ST7: variants seen among roughly 807,000 people sequenced by gnomAD.
ST7 encodes the protein suppressor of tumorigenicity 7 protein.
In ST7, 28 loss-of-function variants were observed where a neutral mutation model predicts 78.7. The observed-to-expected ratio is 0.36, with a 90% confidence interval of 0.26 to 0.49. The LOEUF (loss-of-function observed/expected upper bound fraction) is 0.49. Ranked by LOEUF, ST7 falls within the 20% of genes least tolerant of loss-of-function variation. The pLI, the probability that ST7 is intolerant of heterozygous loss-of-function variation, is 0.99. For missense variants in ST7, 418 were observed against 696.0 expected (o/e 0.60, Z 4.49); for synonymous variants, 247 against 249.6 (o/e 0.99, Z 0.10).
intron 9 of ST7, among the ~76,000 whole-genome samples, chr7:117,167,068 TTTG>T (rs1239848083): frequency 2.8e-5 from 4 of 144,258 alleles, no homozygotes; most frequent in African/African-American, 1.1e-4. Context: ...TTTTTTTTAC[TTTG>T]TTTTTTTTAA....
intron 1 of ST7, among the ~76,000 whole-genome samples, chr7:117,017,728 TC>T (rs1795684032): frequency 6.6e-6 from 1 of 152,176 alleles, no homozygotes; most frequent in African/African-American, 2.4e-5. Flanking sequence ...AACTTTGTGT[TC>T]CTTCTCTGAG....
In ST7 at chr7:117,219,544, G is replaced by A. The variant is rs1350447711; in HGVS notation, c.1498+368G>A. Reference sequence around the variant, plus strand: ...ACAGATGTGGTCTGCACCGACCGGAGTTTGAAGAGGAGCTGCTGACTGAGA... The same window carrying A: ...ACAGATGTGGTCTGCACCGACCGGAATTTGAAGAGGAGCTGCTGACTGAGA... On this transcript the variant is annotated intron_variant, in intron 14 of 15. Coordinates refer to ENST00000323984, the MANE Select transcript of ST7 (RefSeq NM_001369598.1). This position sits in a 1 kb window ranked among gnomAD's most constrained non-coding sequence, Gnocchi z 5.1. Among the ~76,000 whole-genome samples the A allele has an allele frequency of 2.0e-5, 3 of 152,242 alleles. No individual in the cohort carries two copies. Among genetic ancestry groups the A allele is most frequent in the Non-Finnish European group, 2.9e-5 (2 of 68,044 alleles).
At chr7:117,123,178 A>G (rs1038840954) in intron 3 of ST7, among the ~76,000 whole-genome samples, 2 of 152,174 alleles carry the variant, frequency 1.3e-5, no homozygotes, top group Non-Finnish European at 2.9e-5. Flanking sequence ...ATTATTTGAG[A>G]AAATCATTGA....
chr7:117,068,117 G>A (rs1262201669), intron 1 of ST7, among the ~76,000 whole-genome samples: 1 of 152,140 alleles, frequency 6.6e-6, no homozygotes, highest in Non-Finnish European at 1.5e-5. Flanking sequence ...AGAGTAAAGG[G>A]CAACATCATA....
intron 1 of ST7, among the ~76,000 whole-genome samples, chr7:117,087,728 C>A (rs891960076): frequency 7.9e-5 from 12 of 152,170 alleles, no homozygotes; most frequent in Non-Finnish European, 2.9e-5. Context: ...TTAATCACTT[C>A]AAATTTGACT....
chr7:117,125,038 A>G (rs1177757314), intron 3 of ST7, among the ~76,000 whole-genome samples: 4 of 152,120 alleles, frequency 2.6e-5, no homozygotes, highest in Non-Finnish European at 5.9e-5. Flanking sequence ...CTGCTCTCTA[A>G]TAGTCTTAAT....
At chr7:117,161,591 C>CTTTTTTTTTTTTTTTTTTTTTTTTT (rs60505994) in intron 9 of ST7, among the ~76,000 whole-genome samples, 9 of 113,596 alleles carry the variant, frequency 7.9e-5, no homozygotes, top group Admixed American at 1.1e-4. Flanking sequence ...TTCTTTCTTT[C>CTTTTTTTTTTTTTTTTTTTTTTTTT]TTTTTTTTTT....
intron 9 of ST7, among the ~76,000 whole-genome samples, chr7:117,159,030 T>A (rs551250113): frequency 8.3e-4 from 127 of 152,300 alleles, no homozygotes; most frequent in African/African-American, 3.0e-3. Flanking sequence ...TATGTAAGAA[T>A]TTTCCCATTG....
At chr7:117,198,323 A>G (rs1810503422) in intron 12 of ST7, 1 of 456,298 alleles carries the variant, frequency 2.2e-6, no homozygotes, top group Non-Finnish European at 4.4e-6. Flanking sequence ...CTTGCAGGCT[A>G]GGTGGAAATA....
chr7:116,966,481 C>T (rs552450369), intron 1 of ST7, among the ~76,000 whole-genome samples: 1 of 152,196 alleles, frequency 6.6e-6, no homozygotes, highest in South Asian at 2.1e-4. Flanking sequence ...GAACTCCTGA[C>T]CTCAGGTGAT....
intron 1 of ST7, among the ~76,000 whole-genome samples, chr7:117,081,727 C>T (rs186923254): frequency 6.9e-4 from 105 of 152,300 alleles, no homozygotes; most frequent in Admixed American, 1.4e-3. Context: ...TTCTAGCTAG[C>T]TATTTTTATC....
At chr7:117,166,900 A>G (rs1284464772) in intron 9 of ST7, among the ~76,000 whole-genome samples, 1 of 151,958 alleles carries the variant, frequency 6.6e-6, no homozygotes, top group East Asian at 1.9e-4. Context: ...CAAAAAAAAA[A>G]AAGCCTTTAT....
At chr7:117,020,002 C>A (rs1305627627) in intron 1 of ST7, among the ~76,000 whole-genome samples, 1 of 152,174 alleles carries the variant, frequency 6.6e-6, no homozygotes, top group Non-Finnish European at 1.5e-5. Flanking sequence ...ATTTAAATTT[C>A]TTTGAGTCCT....
intron 1 of ST7, chr7:117,020,511 C>T: frequency 1.4e-6 from 2 of 1,451,764 alleles, no homozygotes; most frequent in Non-Finnish European, 1.9e-6. Flanking sequence ...GCCGGCTCAT[C>T]TCTTCACTCT....
Position 116,972,617 on chromosome 7 carries a change from A to C in ST7, c.151+18926A>C, listed in dbSNP as rs527348933. ...AGTTCCATCTTTTCTTCATCTTTTA[A>C]GGGCTGGTTTTCAATAAACTTCATA... On this transcript the variant is annotated intron_variant, in intron 1 of 15. Transcript: ENST00000323984. The C allele has an allele frequency of 1.3e-3, 1,790 of 1,380,878 alleles. 4 individuals carry two copies. The highest frequency in any genetic ancestry group is 1.8e-3 in the Middle Eastern group (9 of 5,028). The allele number at this position is 1,380,878 out of a possible 1,614,324, so 85.5% of individuals were successfully genotyped here. A position where few individuals can be genotyped will look rare whatever the true frequency, so the allele number is the denominator to read the frequency against.
At chr7:117,031,023 C>G (rs1489413672) in intron 1 of ST7, among the ~76,000 whole-genome samples, 1 of 152,056 alleles carries the variant, frequency 6.6e-6, no homozygotes, top group Non-Finnish European at 1.5e-5. Flanking sequence ...AGAACAAGAT[C>G]ATGTCCTTTT....
chr7:117,074,523 C>A (rs1799208268), intron 1 of ST7, among the ~76,000 whole-genome samples: 1 of 152,182 alleles, frequency 6.6e-6, no homozygotes, highest in Non-Finnish European at 1.5e-5. Flanking sequence ...TCACCCCACA[C>A]ACTGTGAGCT....
intron 1 of ST7, among the ~76,000 whole-genome samples, chr7:117,052,304 G>A (rs868466702): frequency 1.3e-5 from 2 of 152,104 alleles, no homozygotes; most frequent in Non-Finnish European, 2.9e-5. Flanking sequence ...TTGTACTAGC[G>A]CCTGAACTCT....
At chr7:117,165,351 A>G (rs1219149831) in intron 9 of ST7, among the ~76,000 whole-genome samples, 1 of 152,150 alleles carries the variant, frequency 6.6e-6, no homozygotes, top group Non-Finnish European at 1.5e-5. Context: ...CCATTTTCAG[A>G]CAGCTCTAAG....
Sources: gnomAD v4.1 joint callset for allele counts (sites outside exome capture counted in the v4.1 genomes callset) on GRCh38, gnomAD v4.1.1 for gene constraint, Gnocchi (gnomAD v3.1) non-coding constraint, MANE v1.5 for transcripts, NCBI Gene and HGNC (gene_info 2026-07-23, HGNC 2026-07-21) for gene names.